Variants in NEK9 observed in about 807,000 individuals in gnomAD.
NEK9 encodes serine/threonine-protein kinase Nek9.
In NEK9, 75 loss-of-function variants were observed where a neutral mutation model predicts 123.4. The observed-to-expected ratio is 0.61, with a 90% CI of 0.50 to 0.74. The LOEUF (loss-of-function observed/expected upper bound fraction) is 0.74, where lower values mean the gene tolerates loss of function less well. NEK9 is among the 30% of genes least tolerant of loss of function. The pLI is 0.00. For missense variants in NEK9, 952 were observed against 1,214.4 expected, an observed-to-expected ratio of 0.78 and a Z score of 3.21; for synonymous variants, 438 against 458.7, an observed-to-expected ratio of 0.95 and a Z score of 0.58.
At chr14:75,124,300 T>C (rs1895443588) in intron 1 of NEK9, 77 bp from the exon 2 acceptor site, 2 of 1,403,312 alleles carry the variant, frequency 1.4e-6, no homozygotes, top group African/African-American at 1.4e-5. Context: ...TCTGTAAGCC[T>C]AGAAGGAAAA....
intron 6 of NEK9, chr14:75,116,282 CA>C: frequency 6.5e-6 from 1 of 153,652 alleles, no homozygotes; most frequent in Non-Finnish European, 1.5e-5. Context: ...CCCATCTCTA[CA>C]AAAAATAGCC....
At chr14:75,127,110 G>C (rs548151961), upstream of NEK9, 1 of 539,060 alleles carries the variant, frequency 1.9e-6, no homozygotes, top group African/African-American at 2.0e-5. Context: ...AGTTTCCTCC[G>C]CCTTTGCTTA....
intron 19 of NEK9, among the ~76,000 whole-genome samples, chr14:75,089,973 A>G (rs1463809534): frequency 6.6e-6 from 1 of 152,182 alleles, no homozygotes; most frequent in African/African-American, 2.4e-5. Context: ...CTGGGATTAC[A>G]GGCGTGAGCC....
intron 10 of NEK9, 71 bp downstream of exon 10, chr14:75,109,614 G>C: frequency 7.2e-7 from 1 of 1,381,114 alleles, no homozygotes; most frequent in Non-Finnish European, 1.0e-6. Context: ...CTAATAAAAT[G>C]CTTAGACATC....
intron 5 of NEK9, 67 bp downstream of exon 5, chr14:75,118,763 A>G: frequency 2.2e-6 from 2 of 890,260 alleles, no homozygotes; most frequent in Admixed American, 2.1e-5. Flanking sequence ...TGCAAGATTT[A>G]GGGAGTACAG....
At chr14:75,097,787 C>T (rs1894437088) in intron 16 of NEK9, among the ~76,000 whole-genome samples, 1 of 152,134 alleles carries the variant, frequency 6.6e-6, no homozygotes, top group Non-Finnish European at 1.5e-5. Flanking sequence ...GGAGTTCTGA[C>T]ACTTGAACAG....
At chr14:75,107,267 C>T in intron 11 of NEK9, 76 bp downstream of exon 11, 1 of 1,457,360 alleles carries the variant, frequency 6.9e-7, no homozygotes, top group Non-Finnish European at 9.3e-7. Context: ...TTTAAAATCC[C>T]AACTAAGATT....
intron 16 of NEK9, among the ~76,000 whole-genome samples, chr14:75,099,255 G>A (rs1894483528): frequency 6.6e-6 from 1 of 151,768 alleles, no homozygotes; most frequent in Non-Finnish European, 1.5e-5. Flanking sequence ...AACCCGGGAG[G>A]TGGAGGCTGC....
Position 75,082,833 on chromosome 14 carries a change from TAC to T in NEK9, c.*1729_*1730del, listed in dbSNP as rs1484837314. 1.0e-5 allele frequency: 4 copies of T among 397,330 alleles called. No individual in the cohort carries two copies. The highest frequency in any genetic ancestry group is 4.4e-5 in the Admixed American group (1 of 22,706). The allele number at this position is 397,330 out of a possible 1,614,324, so 24.6% of individuals were successfully genotyped here. ...TACATGCTGAACCAAAACCCACTGT[TAC>T]AGTTTATGACAACCCCCGCAAGTCC... is the stretch of plus-strand genomic sequence containing the variant. On this transcript the variant is annotated 3_prime_UTR_variant, in exon 22 of 22. Coordinates refer to ENST00000238616, the MANE Select transcript of NEK9 (RefSeq NM_033116.6).
chr14:75,119,895 C>T (rs542541394), intron 4 of NEK9, among the ~76,000 whole-genome samples: 3 of 152,200 alleles, frequency 2.0e-5, no homozygotes, highest in Admixed American at 2.0e-4. Context: ...GCAACAGAAG[C>T]CATTTAATAG....
intron 4 of NEK9, 120 bp from the exon 5 acceptor site, chr14:75,119,055 T>G: frequency 1.6e-6 from 1 of 638,826 alleles, no homozygotes; most frequent in Non-Finnish European, 2.8e-6. Context: ...GTGGCTCACA[T>G]CTGTAATCTC....
intron 1 of NEK9, among the ~76,000 whole-genome samples, chr14:75,124,728 T>TCTC (rs1166652225): frequency 2.6e-5 from 4 of 151,410 alleles, no homozygotes; most frequent in African/African-American, 4.8e-5. Context: ...AACTCTATAA[T>TCTC]CTCCTCTCAT....
intron 8 of NEK9, among the ~76,000 whole-genome samples, chr14:75,110,580 C>CT (rs1894928812): frequency 6.6e-6 from 1 of 152,016 alleles, no homozygotes; most frequent in Admixed American, 6.6e-5. Context: ...CAAAGGCCAG[C>CT]AGTTTGGGGC....
At chr14:75,104,141 G>T in intron 13 of NEK9, 144 bp from the exon 14 acceptor site, 2 of 808,124 alleles carry the variant, frequency 2.5e-6, no homozygotes, top group Non-Finnish European at 3.7e-6. Context: ...TTTCAGGTTT[G>T]CCCAGTGTCT....
At chr14:75,088,767 T>A (rs1894109939) in intron 19 of NEK9, 126 bp from the exon 20 acceptor site, 7 of 798,902 alleles carry the variant, frequency 8.8e-6, no homozygotes, top group Non-Finnish European at 1.9e-6. Context: ...AAGACAGTTG[T>A]GGTTAACAAC....
At chr14:75,102,720 T>C (rs1474020955) in intron 14 of NEK9, among the ~76,000 whole-genome samples, 2 of 152,206 alleles carry the variant, frequency 1.3e-5, no homozygotes, top group Non-Finnish European at 2.9e-5. Context: ...ACTCTCCTAA[T>C]TGAAAATCAC....
chr14:75,114,216 G>T lies in NEK9; in HGVS notation c.860C>A (p.Ser287Ter). 6.2e-7 allele frequency: 1 copy of T among 1,612,850 alleles called. No individual in the cohort carries two copies. Among genetic ancestry groups the T allele is most frequent in the South Asian group, 1.1e-5 (1 of 91,050 alleles). The change falls in exon 7 of 22, where the codon TCG (serine) becomes TAG (stop). Residue 287 changes from serine to a stop codon, truncating the protein, a stop_gained. Coordinates refer to ENST00000238616, the MANE Select transcript of NEK9 (RefSeq NM_033116.6). LOFTEE classifies it high-confidence loss of function. ...AGTCACACCTACCTGGTCAAGGCACGAATGAACCATTTGGATCAATTCCAA... is the reference window on the plus strand; with the variant it reads ...AGTCACACCTACCTGGTCAAGGCACTAATGAACCATTTGGATCAATTCCAA... ...YSLELIQMVHSCLDQDPEQRP... is the reference protein window; with the variant it reads ...YSLELIQMVH
At chr14:75,109,102 G>A (rs1354282686) in intron 10 of NEK9, among the ~76,000 whole-genome samples, 1 of 152,202 alleles carries the variant, frequency 6.6e-6, no homozygotes, top group Admixed American at 6.5e-5. Flanking sequence ...TTTCAATTGA[G>A]TGGCAGTGGC....
In NEK9 at chr14:75,125,005, C is replaced by T. The variant is rs532020910; in HGVS notation, c.220-782G>A. Among the ~76,000 whole-genome samples, 27 of 150,854 alleles carry T rather than the reference C, an allele frequency of 1.8e-4. No individual in the cohort carries two copies. The East Asian group carries it at 5.3e-3, about 29-fold the overall frequency. On this transcript the variant is annotated intron_variant, in intron 1 of 21. Transcript: ENST00000238616. ...GCCCAGGCTGGTCTAGAACTCCTGGCCTCAAGCGACCCGACCACCTTGGCC... is the reference window on the plus strand; with the variant it reads ...GCCCAGGCTGGTCTAGAACTCCTGGTCTCAAGCGACCCGACCACCTTGGCC...
Sources: gnomAD v4.1 joint callset for allele counts (sites outside exome capture counted in the v4.1 genomes callset) on GRCh38, gnomAD v4.1.1 for gene constraint, MANE v1.5 for transcripts, NCBI Gene and HGNC (gene_info 2026-07-23, HGNC 2026-07-21) for gene names.